The following ERI3 variants were observed in gnomAD, a reference collection of about 807,000 sequenced individuals.
ERI3 encodes the protein ERI1 exoribonuclease 3.
In ERI3, 18 loss-of-function variants were observed where a neutral mutation model predicts 44.4. That is an observed-to-expected ratio of 0.41 (90% CI 0.28 to 0.60). The LOEUF is 0.60. Among genes scored for constraint, ERI3 ranks in the 20% least tolerant of loss-of-function variants. ERI3 has a pLI of 0.36. For missense variants in ERI3, 294 were observed against 435.5 expected, an observed-to-expected ratio of 0.68 and a Z score of 2.89; for synonymous variants, 183 against 164.8, an observed-to-expected ratio of 1.11 and a Z score of -0.84.
chr1:44,322,776 C>T, intron 3 of ERI3: 1 of 1,550,142 alleles, frequency 6.5e-7, no homozygotes, highest in Non-Finnish European at 8.7e-7. Context: ...CCTCAAAATA[C>T]TGGCCCAAAC....
At chr1:44,279,229 A>G (rs1458660154) in intron 7 of ERI3, among the ~76,000 whole-genome samples, 1 of 133,456 alleles carries the variant, frequency 7.5e-6, no homozygotes, top group Non-Finnish European at 1.8e-5. Context: ...TAACACTGCC[A>G]ATTTTTTTTT....
At chr1:44,244,638 C>T (rs1378035663) in intron 8 of ERI3, among the ~76,000 whole-genome samples, 2 of 152,284 alleles carry the variant, frequency 1.3e-5, no homozygotes, top group Middle Eastern at 3.4e-3. Context: ...TGCCCCTCCC[C>T]TTCAGCCTCC....
chr1:44,316,045 A>G (rs539538579), intron 4 of ERI3, among the ~76,000 whole-genome samples: 3 of 151,422 alleles, frequency 2.0e-5, no homozygotes, highest in Non-Finnish European at 4.4e-5. Flanking sequence ...CCTATAAGAC[A>G]CGTGTAAGGT....
intron 8 of ERI3, among the ~76,000 whole-genome samples, chr1:44,225,304 T>G (rs1000036743): frequency 1.2e-4 from 19 of 152,132 alleles, no homozygotes; most frequent in Non-Finnish European, 1.8e-4. Flanking sequence ...CATTTTGTCT[T>G]GCTCTGTTGC....
intron 7 of ERI3, among the ~76,000 whole-genome samples, chr1:44,281,601 A>AAAAAATATATATAT (rs1460400186): frequency 1.6e-5 from 2 of 128,056 alleles, no homozygotes; most frequent in African/African-American, 3.3e-5. Flanking sequence ...AAAAAAAAAA[A>AAAAAATATATATAT]ATATATATAT....
chr1:44,342,846 T>C (rs1382988402), intron 2 of ERI3, among the ~76,000 whole-genome samples: 2 of 34,520 alleles, frequency 5.8e-5, no homozygotes, highest in Non-Finnish European at 1.0e-4. Flanking sequence ...TATATATATA[T>C]ATATATATAT....
chr1:44,264,305 G>C (rs984245439), intron 7 of ERI3, among the ~76,000 whole-genome samples: 43 of 152,156 alleles, frequency 2.8e-4, no homozygotes, highest in African/African-American at 9.9e-4. Flanking sequence ...TTAGCCCTGA[G>C]AGAAGGATGG....
intron 7 of ERI3, among the ~76,000 whole-genome samples, chr1:44,281,878 A>ATG (rs10574197): frequency 0.13 from 16,041 of 126,816 alleles, 1,027 homozygotes; most frequent in South Asian, 0.13. Flanking sequence ...ACATGTGCAT[A>ATG]TGTGTGTGTG....
chr1:44,324,904 T>G (rs908825876), intron 3 of ERI3, among the ~76,000 whole-genome samples: 2 of 152,144 alleles, frequency 1.3e-5, no homozygotes, highest in East Asian at 3.8e-4. Context: ...AGCCTCAGAA[T>G]TGGGATTTTT....
At chr1:44,250,660 T>G (rs1450391073) in intron 7 of ERI3, among the ~76,000 whole-genome samples, 1 of 151,988 alleles carries the variant, frequency 6.6e-6, no homozygotes, top group African/African-American at 2.4e-5. Context: ...TGCCGCACAG[T>G]TTCATATTCC....
intron 8 of ERI3, among the ~76,000 whole-genome samples, chr1:44,239,037 C>A (rs986587745): frequency 2.0e-5 from 3 of 151,640 alleles, no homozygotes; most frequent in South Asian, 2.1e-4. Context: ...CCCCTCCCCC[C>A]CCCAATCCAG....
chr1:44,242,019 C>T, intron 8 of ERI3: 2 of 985,730 alleles, frequency 2.0e-6, no homozygotes, highest in South Asian at 9.4e-5. Context: ...AGGGGGTCAG[C>T]TCAGGAAGGA....
intron 3 of ERI3, among the ~76,000 whole-genome samples, chr1:44,337,876 T>C (rs916687103): frequency 5.3e-5 from 8 of 152,134 alleles, no homozygotes; most frequent in Non-Finnish European, 7.4e-5. Context: ...CTCCTTACGA[T>C]TGAAAGCTGT....
intron 8 of ERI3, among the ~76,000 whole-genome samples, chr1:44,236,783 C>T (rs1644315311): frequency 6.6e-6 from 1 of 152,118 alleles, no homozygotes; most frequent in Non-Finnish European, 1.5e-5. Flanking sequence ...AGAGTGGGGA[C>T]ACTCTTCCGC....
chr1:44,354,993 G>A lies in ERI3; in HGVS notation c.34C>T (p.Arg12Trp), dbSNP rs1440432217. The A allele has an allele frequency of 2.2e-6, 3 of 1,372,588 alleles. No homozygotes were observed. Among genetic ancestry groups the A allele is most frequent in the Admixed American group, 3.1e-5 (1 of 32,378 alleles). The allele number at this position is 1,372,588 out of a possible 1,614,324, so 85.0% of individuals were successfully genotyped here. ...AGCCCTCCTTCCCAGGGCCGCCCCC[G>A]CCCCCCGTCAGCAGCGGGAGAGGCT... The part of the protein sequence containing the change: ...ATASPAADGG[R>W]GRPWEGGLVS... Residue 12 changes from arginine (R) to tryptophan (W), a missense_variant, in exon 1 of 9, where the codon CGG becomes TGG. Transcript: ENST00000372257.
At chr1:44,281,915 TG>T (rs1645298599) in intron 7 of ERI3, among the ~76,000 whole-genome samples, 1 of 151,122 alleles carries the variant, frequency 6.6e-6, no homozygotes, top group East Asian at 1.9e-4. Context: ...TGTGTGTGTG[TG>T]TGTGTGTGTG....
Position 44,354,995 on chromosome 1 carries a change from C to G in ERI3, c.32G>C (p.Gly11Ala). 2.2e-6 allele frequency: 3 copies of G among 1,377,260 alleles called. No individual in the cohort carries two copies. Among genetic ancestry groups the G allele is most frequent in the Non-Finnish European group, 1.9e-6 (2 of 1,060,116 alleles). The allele number at this position is 1,377,260 out of a possible 1,614,324, so 85.3% of individuals were successfully genotyped here. A position where few individuals can be genotyped will look rare whatever the true frequency, so the allele number is the denominator to read the frequency against. ...CCCTCCTTCCCAGGGCCGCCCCCGCCCCCCGTCAGCAGCGGGAGAGGCTGT... is the reference window on the plus strand; with the variant it reads ...CCCTCCTTCCCAGGGCCGCCCCCGCGCCCCGTCAGCAGCGGGAGAGGCTGT... The part of the protein sequence containing the change: MATASPAADG[G>A]RGRPWEGGLV... The change falls in exon 1 of 9, where the codon GGG (glycine) becomes GCG (alanine). Residue 11 changes from glycine (G) to alanine (A), a missense_variant. Gly to Ala is a moderately conservative substitution (Grantham distance 60). This residue lies in a region of ERI3 where 107 missense variants were observed against 96.9 expected (regional missense o/e 1.10). Coordinates refer to ENST00000372257, the MANE Select transcript of ERI3 (RefSeq NM_024066.3).
intron 2 of ERI3, among the ~76,000 whole-genome samples, chr1:44,349,654 G>A (rs1557873301): frequency 6.6e-6 from 1 of 152,132 alleles, no homozygotes; most frequent in Non-Finnish European, 1.5e-5. Context: ...CCAAATACTG[G>A]CTGCTTTTTA....
At chr1:44,313,044 A>T in intron 5 of ERI3, 125 bp downstream of exon 5, 1 of 821,338 alleles carries the variant, frequency 1.2e-6, no homozygotes, top group Non-Finnish European at 2.1e-6. Flanking sequence ...CTGATGTGAC[A>T]GCAAATGTTA....
Sources: allele counts gnomAD v4.1 joint callset (sites outside exome capture counted in the v4.1 genomes callset), GRCh38; gene constraint gnomAD v4.1.1; regional missense constraint gnomAD v4.1.1; transcripts MANE v1.5; gene names NCBI Gene and HGNC (gene_info 2026-07-23, HGNC 2026-07-21).